The following EDIL3 variants were observed in gnomAD, a reference collection of about 807,000 sequenced individuals.
The protein encoded by EDIL3 is EGF like and discoidin domains 3, also known as EGF-like repeat and discoidin I-like domain-containing protein 3.
In EDIL3, 37 loss-of-function variants were observed where a neutral mutation model predicts 67.4. That is an observed-to-expected ratio of 0.55 (90% CI 0.42 to 0.72). The LOEUF is 0.72. EDIL3 is among the 30% of genes least tolerant of loss of function. EDIL3 has a pLI of 0.00. For synonymous variants in EDIL3, 195 were observed against 196.3 expected, an observed-to-expected ratio of 0.99 and a Z score of 0.05; for missense variants, 527 against 586.3, an observed-to-expected ratio of 0.90 and a Z score of 1.04.
At chr5:84,256,618 A>G (rs191936607) in intron 1 of EDIL3, among the ~76,000 whole-genome samples, 28 of 152,278 alleles carry the variant, frequency 1.8e-4, no homozygotes, top group Non-Finnish European at 3.7e-4. Context: ...GGCCATATGA[A>G]TCAAGGTCTT....
At chr5:84,143,299 TA>T (rs3836853) in intron 4 of EDIL3, among the ~76,000 whole-genome samples, 2,120 of 152,188 alleles carry the variant, frequency 0.014, 38 homozygotes, top group East Asian at 0.038. Context: ...ATATTACTAG[TA>T]ATTCATTTTA....
At chr5:84,179,218 G>C (rs138357918) in intron 4 of EDIL3, among the ~76,000 whole-genome samples, 36 of 152,170 alleles carry the variant, frequency 2.4e-4, no homozygotes, top group African/African-American at 3.6e-4. Context: ...TATCTTTCCA[G>C]GGCTGTTTTG....
intron 9 of EDIL3, among the ~76,000 whole-genome samples, chr5:84,009,387 C>T (rs1254140542): frequency 1.3e-5 from 2 of 152,044 alleles, no homozygotes; most frequent in Non-Finnish European, 2.9e-5. Context: ...GACATTCTTT[C>T]CAAACTTGGA....
At chr5:84,303,931 T>G (rs1296809166) in intron 1 of EDIL3, among the ~76,000 whole-genome samples, 1 of 151,882 alleles carries the variant, frequency 6.6e-6, no homozygotes, top group Non-Finnish European at 1.5e-5. Flanking sequence ...ATGCTATATA[T>G]ACCGTTTTAC....
At chr5:84,137,451 T>C (rs1278636703) in intron 4 of EDIL3, 97 bp from the exon 5 acceptor site, 4 of 1,067,300 alleles carry the variant, frequency 3.7e-6, no homozygotes, top group Non-Finnish European at 2.7e-6. Context: ...GTCTTAGTAA[T>C]GCTATTCCTT....
At chr5:84,160,912 T>C (rs1050233052) in intron 4 of EDIL3, among the ~76,000 whole-genome samples, 1 of 151,710 alleles carries the variant, frequency 6.6e-6, no homozygotes, top group South Asian at 2.1e-4. Context: ...GGATAAGTTC[T>C]TTAGTGGTGA....
At chr5:84,186,790 A>T (rs1474070424) in intron 3 of EDIL3, among the ~76,000 whole-genome samples, 1 of 152,038 alleles carries the variant, frequency 6.6e-6, no homozygotes, top group African/African-American at 2.4e-5. Flanking sequence ...TTAATAGCAG[A>T]TCAAAGTTTG....
intron 8 of EDIL3, among the ~76,000 whole-genome samples, chr5:84,062,253 GTTTCAT>G (rs1746558838): frequency 6.6e-6 from 1 of 152,068 alleles, no homozygotes; most frequent in Non-Finnish European, 1.5e-5. Context: ...CAGGAAGTTA[GTTTCAT>G]AGTGGCATGC....
intron 9 of EDIL3, among the ~76,000 whole-genome samples, chr5:84,001,114 T>A (rs1017929548): frequency 6.6e-6 from 1 of 152,100 alleles, no homozygotes; most frequent in Non-Finnish European, 1.5e-5. Context: ...TGGCACCATC[T>A]CAGCTCACTG....
At chr5:84,224,930 G>C (rs936710422) in intron 3 of EDIL3, among the ~76,000 whole-genome samples, 2 of 151,442 alleles carry the variant, frequency 1.3e-5, no homozygotes, top group African/African-American at 4.8e-5. Context: ...TTAAAAATGT[G>C]AATCTCATTA....
At chr5:84,315,690 G>A (rs1746498741) in intron 1 of EDIL3, among the ~76,000 whole-genome samples, 1 of 151,710 alleles carries the variant, frequency 6.6e-6, no homozygotes, top group South Asian at 2.1e-4. Context: ...CACTCTTCAG[G>A]ATACTATCCA....
chr5:84,341,399 T>C (rs988043385), intron 1 of EDIL3, among the ~76,000 whole-genome samples: 11 of 152,186 alleles, frequency 7.2e-5, no homozygotes, highest in African/African-American at 2.4e-4. Context: ...CAGACAACTA[T>C]GCCTGACTAT....
intron 1 of EDIL3, among the ~76,000 whole-genome samples, chr5:84,307,878 T>A (rs937910003): frequency 3.3e-5 from 5 of 152,026 alleles, no homozygotes; most frequent in African/African-American, 1.2e-4. Context: ...CAAATTTGGG[T>A]TTGAAAATAG....
intron 9 of EDIL3, among the ~76,000 whole-genome samples, chr5:83,984,041 A>C (rs1745017497): frequency 6.6e-6 from 1 of 152,042 alleles, no homozygotes; most frequent in Non-Finnish European, 1.5e-5. Flanking sequence ...TTAAGAGGCC[A>C]GGACAGAGGA....
rs188895551 is a variant in EDIL3, at chr5:84,061,279, C to T, written c.953-795G>A. ...ACCACATGTATTTTTGAGTTTAATA[C>T]GGTAAAAATTTTGGCTTGCTTGTCC... On this transcript the variant is annotated intron_variant, in intron 8 of 10. Coordinates refer to ENST00000296591, the MANE Select transcript of EDIL3 (RefSeq NM_005711.5). 9.9e-5 allele frequency among the ~76,000 whole-genome samples: 15 copies of T among 152,088 alleles called. No homozygotes were observed. The East Asian group carries it at 1.2e-3, about 12-fold the overall frequency.
intron 1 of EDIL3, among the ~76,000 whole-genome samples, chr5:84,361,720 T>C (rs531508169): frequency 2.6e-5 from 4 of 151,922 alleles, no homozygotes; most frequent in South Asian, 2.1e-4. Flanking sequence ...GGGAATTCAA[T>C]TGGTCTATCA....
intron 1 of EDIL3, among the ~76,000 whole-genome samples, chr5:84,271,652 A>G (rs1196767509): frequency 6.6e-6 from 1 of 151,434 alleles, no homozygotes; most frequent in Non-Finnish European, 1.5e-5. Context: ...TTCACTTAAA[A>G]CCCCTTATCA....
chr5:83,978,221 T>C (rs1435682729), intron 9 of EDIL3, among the ~76,000 whole-genome samples: 1 of 151,872 alleles, frequency 6.6e-6, no homozygotes, highest in East Asian at 1.9e-4. Flanking sequence ...CTCATCCAAA[T>C]AGAAAATGTA....
chr5:84,082,733 G>T (rs1489986313), intron 6 of EDIL3, among the ~76,000 whole-genome samples: 1 of 152,176 alleles, frequency 6.6e-6, no homozygotes, highest in African/African-American at 2.4e-5. Context: ...TTATATTATG[G>T]TTTTTCTTGA....
Sources: allele counts gnomAD v4.1 joint callset (sites outside exome capture counted in the v4.1 genomes callset), GRCh38; gene constraint gnomAD v4.1.1; transcripts MANE v1.5; gene names NCBI Gene and HGNC (gene_info 2026-07-23, HGNC 2026-07-21).